SIPA1L1: variants seen among roughly 807,000 people sequenced by gnomAD.
The protein encoded by SIPA1L1 is signal-induced proliferation-associated 1-like protein 1.
Under a neutral mutation model 162.7 loss-of-function variants are expected in SIPA1L1, and 26 were observed. That is an observed-to-expected ratio of 0.16 (90% CI 0.12 to 0.22). The LOEUF is 0.22. Among genes scored for constraint, SIPA1L1 ranks in the 10% least tolerant of loss-of-function variants. SIPA1L1 has a pLI of 1.00. For missense variants in SIPA1L1, 1,874 were observed against 2,241.0 expected (o/e 0.84, Z 3.31); for synonymous variants, 829 against 837.4 (o/e 0.99, Z 0.17).
chr14:71,489,014 C>T (rs1276663170), intron 2 of SIPA1L1, among the ~76,000 whole-genome samples: 2 of 152,128 alleles, frequency 1.3e-5, no homozygotes, highest in East Asian at 3.9e-4. Flanking sequence ...GTGGAAGACG[C>T]CTGCTGCTAA....
intron 2 of SIPA1L1, among the ~76,000 whole-genome samples, chr14:71,361,438 G>C (rs2037806260): frequency 6.6e-6 from 1 of 152,138 alleles, no homozygotes; most frequent in Non-Finnish European, 1.5e-5. Context: ...TACAAATAGT[G>C]TGTGTGTATT....
intron 2 of SIPA1L1, among the ~76,000 whole-genome samples, chr14:71,373,197 G>C (rs1193164460): frequency 6.6e-6 from 1 of 151,762 alleles, no homozygotes; most frequent in Non-Finnish European, 1.5e-5. Flanking sequence ...TGTAGTCCCG[G>C]CTACTCGGGA....
chr14:71,531,411 G>A lies in SIPA1L1; in HGVS notation c.-303+2041G>A, dbSNP rs183676918. On this transcript the variant is annotated intron_variant, in intron 4 of 23. Coordinates refer to ENST00000381232, the MANE Select transcript of SIPA1L1 (RefSeq NM_001386936.1). ...AGAACTGGCTGTCAGGTTGCACCTC[G>A]AAATAGTACTGTGTATCAGTCATCT... Among the ~76,000 whole-genome samples, 71 of 151,952 alleles carry A rather than the reference G, an allele frequency of 4.7e-4. 1 individual carries two copies. The highest frequency in any genetic ancestry group is 1.6e-3 in the African/African-American group (67 of 41,476).
chr14:71,550,960 C>T (rs986845389), intron 4 of SIPA1L1, among the ~76,000 whole-genome samples: 1 of 152,054 alleles, frequency 6.6e-6, no homozygotes, highest in African/African-American at 2.4e-5. Context: ...AGCTAGTGCC[C>T]GGGTCATTTC....
At chr14:71,686,092 G>A (rs1209164176) in intron 13 of SIPA1L1, among the ~76,000 whole-genome samples, 1 of 152,174 alleles carries the variant, frequency 6.6e-6, no homozygotes, top group African/African-American at 2.4e-5. Flanking sequence ...AGGAAAACTA[G>A]TATAACACAA....
chr14:71,496,539 A>T (rs1004918191), intron 2 of SIPA1L1, among the ~76,000 whole-genome samples: 3 of 152,198 alleles, frequency 2.0e-5, no homozygotes, highest in African/African-American at 7.2e-5. Context: ...CAAATGGTCT[A>T]ACCTGGACCT....
intron 2 of SIPA1L1, among the ~76,000 whole-genome samples, chr14:71,443,536 A>G (rs759019907): frequency 1.1e-4 from 16 of 152,208 alleles, no homozygotes; most frequent in Non-Finnish European, 1.9e-4. Context: ...AGATGTTGCC[A>G]GTATTTAATG....
At chr14:71,341,334 T>G (rs1594896563) in intron 2 of SIPA1L1, among the ~76,000 whole-genome samples, 1 of 152,312 alleles carries the variant, frequency 6.6e-6, no homozygotes, top group East Asian at 1.9e-4. Flanking sequence ...TGGGGTGAAA[T>G]GCTTTCTTTT....
chr14:71,522,166 T>C (rs2052421563), intron 3 of SIPA1L1, among the ~76,000 whole-genome samples: 1 of 152,236 alleles, frequency 6.6e-6, no homozygotes, highest in Non-Finnish European at 1.5e-5. Context: ...CTCTGTCTTG[T>C]GGCTTCCATT....
chr14:71,662,363 C>T (rs2043602755), intron 10 of SIPA1L1, among the ~76,000 whole-genome samples: 1 of 152,214 alleles, frequency 6.6e-6, no homozygotes, highest in South Asian at 2.1e-4. Flanking sequence ...ACCATCCTTG[C>T]ACATATCCTA....
chr14:71,330,663 G>A lies in SIPA1L1; in HGVS notation c.-465+9482G>A, dbSNP rs1233044741. Reference sequence around the variant, plus strand: ...TCAACTCATTGTTGTAGTCTGGGTGGGGTACCCTCTCATGAGGAGGAATCC... The same window carrying A: ...TCAACTCATTGTTGTAGTCTGGGTGAGGTACCCTCTCATGAGGAGGAATCC... On this transcript the variant is annotated intron_variant, in intron 2 of 23. Transcript: ENST00000381232. 8 of 878,766 alleles carry A rather than the reference G, an allele frequency of 9.1e-6. No individual in the cohort carries two copies. In the Admixed American group the frequency reaches 1.4e-4, roughly 15 times the overall value. 54.4% of individuals were successfully genotyped at this position (878,766 alleles called of 1,614,324 possible).
In SIPA1L1 at chr14:71,436,993, T is replaced by C. The variant is rs1478247524; in HGVS notation, c.-464-75750T>C. On this transcript the variant is annotated intron_variant, in intron 2 of 23. Transcript: ENST00000381232. Reference sequence around the variant, plus strand: ...CTTAGACAGGGTGGTCTCAATCTCTTGATCTCGTGATCTGCCTGCCTTGGC... The same window carrying C: ...CTTAGACAGGGTGGTCTCAATCTCTCGATCTCGTGATCTGCCTGCCTTGGC... Among the ~76,000 whole-genome samples the C allele has an allele frequency of 4.6e-5, 7 of 152,048 alleles. No homozygotes were observed. In the East Asian group the frequency reaches 1.3e-3, roughly 29 times the overall value.
intron 4 of SIPA1L1, among the ~76,000 whole-genome samples, chr14:71,558,578 C>T (rs572021249): frequency 2.8e-4 from 43 of 152,228 alleles, no homozygotes; most frequent in African/African-American, 9.1e-4. Flanking sequence ...TGGTGAAAGC[C>T]GTGGTTGCTG....
At chr14:71,326,857 G>A (rs1249793044) in intron 2 of SIPA1L1, among the ~76,000 whole-genome samples, 1 of 150,124 alleles carries the variant, frequency 6.7e-6, no homozygotes, top group Non-Finnish European at 1.5e-5. Flanking sequence ...GATTACAGGC[G>A]TGTGCCACCA....
At chr14:71,440,907 T>C (rs1051737858) in intron 2 of SIPA1L1, among the ~76,000 whole-genome samples, 2 of 152,272 alleles carry the variant, frequency 1.3e-5, no homozygotes, top group East Asian at 3.9e-4. Context: ...AGGTGCGTGA[T>C]ACCTCTTTTT....
intron 2 of SIPA1L1, among the ~76,000 whole-genome samples, chr14:71,463,265 G>T (rs1161162440): frequency 2.0e-5 from 3 of 152,140 alleles, no homozygotes; most frequent in Non-Finnish European, 4.4e-5. Flanking sequence ...TACCAGTCAG[G>T]GAGCCAATCT....
At chr14:71,362,381 T>G (rs2037894783) in intron 2 of SIPA1L1, among the ~76,000 whole-genome samples, 1 of 152,224 alleles carries the variant, frequency 6.6e-6, no homozygotes, top group Non-Finnish European at 1.5e-5. Context: ...AAGCCTTTAT[T>G]CCTCTTTCAT....
chr14:71,544,475 T>G (rs898774836), intron 4 of SIPA1L1, among the ~76,000 whole-genome samples: 1 of 152,158 alleles, frequency 6.6e-6, no homozygotes, highest in Non-Finnish European at 1.5e-5. Context: ...GTTTAATAAG[T>G]CAAATTTCTT....
intron 4 of SIPA1L1, among the ~76,000 whole-genome samples, chr14:71,556,722 C>G (rs1397703905): frequency 6.6e-6 from 1 of 152,230 alleles, no homozygotes; most frequent in Admixed American, 6.5e-5. Context: ...ACATGTTCAC[C>G]TCTCCAGAAG....
Sources: gnomAD v4.1 joint callset for allele counts (sites outside exome capture counted in the v4.1 genomes callset) on GRCh38, gnomAD v4.1.1 for gene constraint, MANE v1.5 for transcripts, NCBI Gene and HGNC (gene_info 2026-07-23, HGNC 2026-07-21) for gene names.